The following FOSL1 variants were observed in gnomAD, a reference collection of about 807,000 sequenced individuals.
The protein encoded by FOSL1 is fos-related antigen 1.
FOSL1 carries 14 observed loss-of-function variants against 24.9 expected under a neutral mutation model. That is an observed-to-expected ratio of 0.56 (90% CI 0.37 to 0.88). The LOEUF is 0.88. Among genes scored for constraint, FOSL1 ranks in the 40% least tolerant of loss-of-function variants. The pLI, the probability that FOSL1 is intolerant of heterozygous loss-of-function variation, is 0.00. For synonymous variants in FOSL1, 133 were observed against 145.1 expected (o/e 0.92, Z 0.60); for missense variants, 318 against 359.8 (o/e 0.88, Z 0.94).
intron 2 of FOSL1, among the ~76,000 whole-genome samples, chr11:65,896,493 T>C (rs1487119218): frequency 6.6e-6 from 1 of 152,148 alleles, no homozygotes; most frequent in Non-Finnish European, 1.5e-5. Flanking sequence ...TACATGTTCT[T>C]GCCTCCGCCT....
chr11:65,898,045 G>GTTTTTTTTTTTTTTTTTT (rs71036252), intron 1 of FOSL1, among the ~76,000 whole-genome samples: 1 of 101,838 alleles, frequency 9.8e-6, no homozygotes, highest in African/African-American at 4.1e-5. Context: ...TTTCTTTTCT[G>GTTTTTTTTTTTTTTTTTT]TTTTTTTTTT....
chr11:65,897,500 C>T (rs992856969), intron 1 of FOSL1, among the ~76,000 whole-genome samples: 2 of 151,788 alleles, frequency 1.3e-5, no homozygotes, highest in Admixed American at 6.6e-5. Flanking sequence ...CCACCATGCC[C>T]GGCTAATTTT....
intron 2 of FOSL1, among the ~76,000 whole-genome samples, chr11:65,894,729 TCACTGCAA>T (rs1338899417): frequency 6.6e-6 from 1 of 152,170 alleles, no homozygotes; most frequent in African/African-American, 2.4e-5. Context: ...CAATCTTGGC[TCACTGCAA>T]CCTCCACCTA....
intron 1 of FOSL1, among the ~76,000 whole-genome samples, chr11:65,899,842 C>G (rs993372053): frequency 6.6e-6 from 1 of 152,206 alleles, no homozygotes; most frequent in Non-Finnish European, 1.5e-5. Context: ...GGACCCTCAC[C>G]CCAGCCCAGA....
Position 65,892,975 on chromosome 11 carries a change from G to T in FOSL1, c.727C>A (p.Pro243Thr), listed in dbSNP as rs779084682. Residue 243 changes from proline (P) to threonine (T), a missense_variant, in exon 4 of 4, where the codon CCT becomes ACT. Physicochemically the swap from Pro to Thr is conservative, Grantham distance 38. Transcript: ENST00000312562. Reference sequence around the variant, plus strand: ...CTCTTGCGATGAGCTGAGGCACAAGGCTCAGGAGTGCTGGGGTAGGTGAAG... The same window carrying T: ...CTCTTGCGATGAGCTGAGGCACAAGTCTCAGGAGTGCTGGGGTAGGTGAAG... ...LVFTYPSTPE[P>T]CASAHRKSSS... 1 of 1,612,810 alleles carries T rather than the reference G, an allele frequency of 6.2e-7. No homozygotes were observed. Among genetic ancestry groups the T allele is most frequent in the South Asian group, 1.1e-5 (1 of 91,018 alleles).
chr11:65,894,094 G>T lies in FOSL1; in HGVS notation c.325C>A (p.Arg109=). 1.9e-6 allele frequency: 3 copies of T among 1,609,088 alleles called. No individual in the cohort carries two copies. The highest frequency in any genetic ancestry group is 2.5e-6 in the Non-Finnish European group (3 of 1,179,470). ...QISPEEEERR[R]VRRERNKLAA... Reference sequence around the variant, plus strand: ...AGCTTGTTCCGCTCGCGCCTTACTCGGCGGCGCTCCTCTTCCTCCGGGCTG... The same window carrying T: ...AGCTTGTTCCGCTCGCGCCTTACTCTGCGGCGCTCCTCTTCCTCCGGGCTG... The change falls in exon 3 of 4, where the codon CGA becomes AGA. Residue 109 remains arginine, a synonymous_variant. Transcript: ENST00000312562.
At chr11:65,896,298 A>G (rs762154600) in intron 2 of FOSL1, among the ~76,000 whole-genome samples, 6 of 152,156 alleles carry the variant, frequency 3.9e-5, no homozygotes, top group Admixed American at 6.6e-5. Flanking sequence ...CTTTGGTGGA[A>G]GATGGGGAAA....
intron 2 of FOSL1, among the ~76,000 whole-genome samples, chr11:65,895,519 A>T (rs973946694): frequency 6.6e-6 from 1 of 152,146 alleles, no homozygotes; most frequent in African/African-American, 2.4e-5. Flanking sequence ...AACCCATAGA[A>T]CTCACTCACT....
At chr11:65,899,973 G>C (rs186781489) in intron 1 of FOSL1, among the ~76,000 whole-genome samples, 1 of 152,366 alleles carries the variant, frequency 6.6e-6, no homozygotes, top group Non-Finnish European at 1.5e-5. Flanking sequence ...GTGGGCAGGA[G>C]GAGAGAAAGC....
rs1293608807 is a variant in FOSL1, at chr11:65,892,563, G to GA, written c.*322dup. On this transcript the variant is annotated 3_prime_UTR_variant, in exon 4 of 4. Transcript: ENST00000312562. Reference sequence around the variant, plus strand: ...TGATGGAGAGTGTGGCAGTGATCTGGAAGGGGTTAGGGCTCCAGAGGACCT... The same window carrying GA: ...TGATGGAGAGTGTGGCAGTGATCTGGAAAGGGGTTAGGGCTCCAGAGGACCT... 3.6e-6 allele frequency: 2 copies of GA among 553,708 alleles called. No homozygotes were observed. Among genetic ancestry groups the GA allele is most frequent in the Non-Finnish European group, 6.9e-6 (2 of 290,100 alleles). The allele number at this position is 553,708 out of a possible 1,614,324, so 34.3% of individuals were successfully genotyped here.
At chr11:65,897,548 C>T (rs919760249) in intron 1 of FOSL1, among the ~76,000 whole-genome samples, 8 of 152,040 alleles carry the variant, frequency 5.3e-5, no homozygotes, top group Admixed American at 5.2e-4. Flanking sequence ...CCATGTTTGC[C>T]AGGCTGGTCT....
chr11:65,893,133 C>T lies in FOSL1; in HGVS notation c.569G>A (p.Ser190Asn). Residue 190 changes from serine to asparagine, a missense_variant, in exon 4 of 4, where the codon AGC becomes AAC. Physicochemically the swap from Ser to Asn is conservative, Grantham distance 46. Coordinates refer to ENST00000312562, the MANE Select transcript of FOSL1 (RefSeq NM_005438.5). ...EGDTGSTSGT[S>N]SPPAPCRPVP... ...AGGGCGGCAGGGGGCTGGTGGGCTG[C>T]TGGTGCCACTGGTACTGCCTGTGTC... 6.2e-7 allele frequency: 1 copy of T among 1,613,042 alleles called. No individual in the cohort carries two copies. The highest frequency in any genetic ancestry group is 1.9e-4 in the Middle Eastern group (1 of 5,392).
chr11:65,899,853 C>A (rs1860628033), intron 1 of FOSL1, among the ~76,000 whole-genome samples: 1 of 152,220 alleles, frequency 6.6e-6, no homozygotes, highest in African/African-American at 2.4e-5. Flanking sequence ...CCAGCCCAGA[C>A]TCCAGATCCC....
Position 65,900,368 on chromosome 11 carries a change from A to C in FOSL1, c.-29T>G. The C allele has an allele frequency of 8.5e-7, 1 of 1,170,228 alleles. No individual in the cohort carries two copies. Among genetic ancestry groups the C allele is most frequent in the South Asian group, 4.2e-5 (1 of 24,040 alleles). The allele number at this position is 1,170,228 out of a possible 1,614,324, so 72.5% of individuals were successfully genotyped here. ...CGGGGCTGGCGGCTCTGCGGGGTAC[A>C]CGGCTGCTGGGTTCTGACTCACCCG... is the stretch of plus-strand genomic sequence containing the variant. On this transcript the variant is annotated 5_prime_UTR_variant, in exon 1 of 4. Coordinates refer to ENST00000312562, the MANE Select transcript of FOSL1 (RefSeq NM_005438.5).
intron 2 of FOSL1, among the ~76,000 whole-genome samples, chr11:65,896,194 G>A (rs1860521530): frequency 6.6e-6 from 1 of 152,114 alleles, no homozygotes; most frequent in South Asian, 2.1e-4. Flanking sequence ...TCTGACTTTA[G>A]AGTTGTATAG....
chr11:65,893,417 A>G, intron 3 of FOSL1, 121 bp from the exon 4 acceptor site: 1 of 726,166 alleles, frequency 1.4e-6, no homozygotes, highest in South Asian at 1.9e-5. Flanking sequence ...GGCAGTGGAG[A>G]GTCCCCAGCA....
intron 3 of FOSL1, 140 bp downstream of exon 3, chr11:65,893,874 T>C (rs762805057): frequency 6.7e-5 from 46 of 685,552 alleles, no homozygotes; most frequent in Non-Finnish European, 1.1e-4. Context: ...TCTAATCAAT[T>C]TTTCCTCATC....
chr11:65,894,640 C>G (rs2134793930), intron 2 of FOSL1, among the ~76,000 whole-genome samples: 1 of 152,266 alleles, frequency 6.6e-6, no homozygotes, highest in South Asian at 2.1e-4. Context: ...TCACTGAGAA[C>G]ATGCAAAGAT....
chr11:65,899,173 G>C (rs532711513), intron 1 of FOSL1, among the ~76,000 whole-genome samples: 1 of 152,282 alleles, frequency 6.6e-6, no homozygotes, highest in African/African-American at 2.4e-5. Context: ...GGAGAAGTGG[G>C]TTCTAGCTCT....
Sources: allele counts gnomAD v4.1 joint callset (sites outside exome capture counted in the v4.1 genomes callset), GRCh38; gene constraint gnomAD v4.1.1; transcripts MANE v1.5; gene names NCBI Gene and HGNC (gene_info 2026-07-23, HGNC 2026-07-21).